Variants in CTNNA3 observed in about 807,000 individuals in gnomAD.
CTNNA3 encodes catenin alpha 3.
CTNNA3 carries 76 observed loss-of-function variants against 95.7 expected under a neutral mutation model. The ratio of observed to expected loss-of-function variants is 0.79; its 90% CI spans 0.66 to 0.96. The LOEUF (loss-of-function observed/expected upper bound fraction) is 0.96. Among genes scored for constraint, CTNNA3 ranks in the 40% least tolerant of loss-of-function variants. CTNNA3 has a pLI of 0.00. For missense variants in CTNNA3, 1,191 were observed against 1,089.8 expected (o/e 1.09, Z -1.31); for synonymous variants, 431 against 374.4 (o/e 1.15, Z -1.74).
rs573694420 is a variant in CTNNA3, at chr10:66,165,486, T to C, written c.1885-62237A>G. 5.9e-4 allele frequency among the ~76,000 whole-genome samples: 90 copies of C among 152,182 alleles called. 1 individual carries two copies. The highest frequency in any genetic ancestry group is 2.0e-3 in the African/African-American group (81 of 41,526). On this transcript the variant is annotated intron_variant, in intron 13 of 17. Transcript: ENST00000433211. ...TCTGAATCCAAAATAAAAGCTGAAA[T>C]TATAAAAAACAAAAGAAAATAGTAT...
At chr10:66,123,107 T>A (rs1321438203) in intron 13 of CTNNA3, among the ~76,000 whole-genome samples, 4 of 152,154 alleles carry the variant, frequency 2.6e-5, no homozygotes, top group African/African-American at 7.2e-5. Context: ...AAGTCCACAG[T>A]CCAACATCTC....
intron 11 of CTNNA3, among the ~76,000 whole-genome samples, chr10:66,380,967 C>T (rs1041310316): frequency 3.3e-5 from 5 of 151,750 alleles, no homozygotes; most frequent in African/African-American, 9.7e-5. Flanking sequence ...GACTTTAACA[C>T]CCCACTGTCA....
intron 13 of CTNNA3, among the ~76,000 whole-genome samples, chr10:66,187,678 A>G (rs1268844317): frequency 6.6e-6 from 1 of 152,074 alleles, no homozygotes. Context: ...AAGTTAACCA[A>G]TAAGAAAGTT....
chr10:67,302,250 C>T (rs910177022), intron 5 of CTNNA3, among the ~76,000 whole-genome samples: 6 of 151,630 alleles, frequency 4.0e-5, no homozygotes, highest in African/African-American at 7.3e-5. Context: ...AATGAGAGTA[C>T]GATGGTAGTT....
chr10:66,091,822 C>T (rs2081224476), intron 14 of CTNNA3, among the ~76,000 whole-genome samples: 1 of 151,522 alleles, frequency 6.6e-6, no homozygotes, highest in African/African-American at 2.4e-5. Context: ...AGACCTAAAG[C>T]CAATTCCTTG....
chr10:67,186,493 G>A lies in CTNNA3; in HGVS notation c.844-5973C>T, dbSNP rs1381778258. ...TCTGACACCTATAGGCAGGTCTCTT[G>A]ATTTTGCCTGAAACAACTGTCCTAC... On this transcript the variant is annotated intron_variant, in intron 6 of 17. Transcript: ENST00000433211. 2.0e-5 allele frequency among the ~76,000 whole-genome samples: 3 copies of A among 152,144 alleles called. No individual in the cohort carries two copies. The East Asian group carries it at 5.8e-4, about 29-fold the overall frequency.
At chr10:66,833,649 C>G (rs1293690590) in intron 7 of CTNNA3, among the ~76,000 whole-genome samples, 1 of 152,170 alleles carries the variant, frequency 6.6e-6, no homozygotes, top group Non-Finnish European at 1.5e-5. Flanking sequence ...CTTGCTCCAA[C>G]ACTTTTATGT....
Position 66,465,898 on chromosome 10 carries a change from C to T in CTNNA3, c.1531+54719G>A, listed in dbSNP as rs116207301. Among the ~76,000 whole-genome samples the T allele has an allele frequency of 4.0e-3, 607 of 152,166 alleles. 7 individuals are homozygous for T. The highest frequency in any genetic ancestry group is 0.014 in the African/African-American group (594 of 41,544). On this transcript the variant is annotated intron_variant, in intron 11 of 17. Coordinates refer to ENST00000433211, the MANE Select transcript of CTNNA3 (RefSeq NM_013266.4). ...CACCCAAATACATTATAGATGTGAA[C>T]AAAATTTATTGAATGGAGATAGTAC...
At chr10:66,837,111 A>G (rs571039977) in intron 7 of CTNNA3, among the ~76,000 whole-genome samples, 107 of 152,282 alleles carry the variant, frequency 7.0e-4, no homozygotes, top group African/African-American at 2.5e-3. Flanking sequence ...TCAGCAAAAC[A>G]GTTGCCTTTA....
intron 15 of CTNNA3, among the ~76,000 whole-genome samples, chr10:66,067,581 T>C (rs573619772): frequency 6.6e-6 from 1 of 152,222 alleles, no homozygotes; most frequent in South Asian, 2.1e-4. Flanking sequence ...CTTTTGTGAG[T>C]TGATTTTTCA....
At chr10:67,236,338 A>C (rs1182979218) in intron 5 of CTNNA3, among the ~76,000 whole-genome samples, 1 of 151,728 alleles carries the variant, frequency 6.6e-6, no homozygotes, top group Admixed American at 6.6e-5. Flanking sequence ...GCCATAAAAA[A>C]TGATGAGTTC....
chr10:66,972,071 C>T (rs184667244), intron 7 of CTNNA3, among the ~76,000 whole-genome samples: 3 of 152,284 alleles, frequency 2.0e-5, no homozygotes, highest in Admixed American at 2.0e-4. Context: ...GAACTCTACA[C>T]TCCACTGAGC....
intron 7 of CTNNA3, among the ~76,000 whole-genome samples, chr10:67,010,597 A>G (rs59743645): frequency 0.016 from 2,473 of 152,250 alleles, 85 homozygotes; most frequent in African/African-American, 0.056. Flanking sequence ...AAGAAAACAG[A>G]AGCATCTTTA....
intron 10 of CTNNA3, among the ~76,000 whole-genome samples, chr10:66,593,605 A>T (rs549019561): frequency 1.3e-5 from 2 of 152,106 alleles, no homozygotes; most frequent in Middle Eastern, 3.2e-3. Flanking sequence ...CCTTATTTAG[A>T]AATTTAATTA....
intron 9 of CTNNA3, among the ~76,000 whole-genome samples, chr10:66,638,050 C>T (rs1257130156): frequency 6.6e-6 from 1 of 152,166 alleles, no homozygotes; most frequent in East Asian, 1.9e-4. Flanking sequence ...TCATTATCAC[C>T]TTCCACCACT....
At chr10:67,030,174 A>G (rs2133106270) in intron 7 of CTNNA3, among the ~76,000 whole-genome samples, 1 of 152,376 alleles carries the variant, frequency 6.6e-6, no homozygotes, top group Non-Finnish European at 1.5e-5. Flanking sequence ...TGGATGGTTT[A>G]CAAGGGAAGT....
chr10:67,080,309 A>G (rs1248694293), intron 7 of CTNNA3, among the ~76,000 whole-genome samples: 1 of 152,132 alleles, frequency 6.6e-6, no homozygotes, highest in Non-Finnish European at 1.5e-5. Flanking sequence ...CAGCAGGTTA[A>G]TTTCTACCTT....
chr10:66,788,702 G>A (rs1380760147), intron 7 of CTNNA3, among the ~76,000 whole-genome samples: 1 of 151,968 alleles, frequency 6.6e-6, no homozygotes, highest in Non-Finnish European at 1.5e-5. Flanking sequence ...TTAACATTAT[G>A]CAGCAAGAAC....
chr10:66,927,975 T>C lies in CTNNA3; in HGVS notation c.1048-152451A>G. ...AGCTGCAAGGAGTAAATGTGATCGA[T>C]GCAGTGAAGAACTACAGCATCTGTG... is the stretch of plus-strand genomic sequence containing the variant. On this transcript the variant is annotated intron_variant, in intron 7 of 17. Coordinates refer to ENST00000433211, the MANE Select transcript of CTNNA3 (RefSeq NM_013266.4). This position sits in a 1 kb window ranked among gnomAD's most constrained non-coding sequence, Gnocchi z 4.7. 6.2e-7 allele frequency: 1 copy of C among 1,614,244 alleles called. No homozygotes were observed. The highest frequency in any genetic ancestry group is 8.5e-7 in the Non-Finnish European group (1 of 1,180,044).
Sources: allele counts gnomAD v4.1 joint callset (sites outside exome capture counted in the v4.1 genomes callset), GRCh38; gene constraint gnomAD v4.1.1; non-coding constraint Gnocchi (gnomAD v3.1); transcripts MANE v1.5; gene names NCBI Gene and HGNC (gene_info 2026-07-23, HGNC 2026-07-21).